The following SLCO1B3 variants were observed in gnomAD, a reference collection of about 807,000 sequenced individuals.
SLCO1B3 encodes solute carrier organic anion transporter family member 1B3.
SLCO1B3 carries 72 observed loss-of-function variants against 71.8 expected under a neutral mutation model. The observed-to-expected ratio is 1.00, with a 90% CI of 0.83 to 1.22. The LOEUF (loss-of-function observed/expected upper bound fraction) is 1.22, where lower values mean the gene tolerates loss of function less well. Among genes scored for constraint, SLCO1B3 ranks in the 50% most tolerant of loss-of-function variants. The probability of loss-of-function intolerance (pLI) is 0.00; values close to 1 mark genes in which losing one functional copy is unlikely to be tolerated. For missense variants in SLCO1B3, 911 were observed against 819.7 expected (o/e 1.11, Z -1.36); for synonymous variants, 298 against 278.4 (o/e 1.07, Z -0.70).
At chr12:20,848,191 C>T (rs1033568940) in intron 3 of SLCO1B3, among the ~76,000 whole-genome samples, 14 of 152,046 alleles carry the variant, frequency 9.2e-5, no homozygotes, top group Non-Finnish European at 1.9e-4. Flanking sequence ...GAACAGATAC[C>T]TTACTGATGG....
intron 3 of SLCO1B3, among the ~76,000 whole-genome samples, chr12:20,822,656 C>G (rs2121096780): frequency 6.6e-6 from 1 of 152,210 alleles, no homozygotes; most frequent in South Asian, 2.1e-4. Flanking sequence ...CTACATGTTG[C>G]AAGAGAAAAA....
chr12:20,897,073 A>T (rs1349795951), intron 13 of SLCO1B3, among the ~76,000 whole-genome samples: 3 of 152,138 alleles, frequency 2.0e-5, no homozygotes, highest in African/African-American at 7.2e-5. Context: ...CGTGGGTATT[A>T]TGTGAGTAAA....
At chr12:20,910,859 A>T (rs1015857745) in intron 15 of SLCO1B3, among the ~76,000 whole-genome samples, 2 of 151,958 alleles carry the variant, frequency 1.3e-5, no homozygotes, top group African/African-American at 4.8e-5. Flanking sequence ...GTTTTTGTCT[A>T]TTATTTGAGA....
chr12:20,875,891 GGAT>G (rs1865569996), intron 9 of SLCO1B3, among the ~76,000 whole-genome samples: 1 of 151,768 alleles, frequency 6.6e-6, no homozygotes, highest in Admixed American at 6.6e-5. Flanking sequence ...AGAACCTGGT[GGAT>G]GATATTAAGA....
intron 3 of SLCO1B3, among the ~76,000 whole-genome samples, chr12:20,837,078 G>A (rs1304394771): frequency 2.0e-5 from 3 of 152,112 alleles, no homozygotes; most frequent in Non-Finnish European, 2.9e-5. Flanking sequence ...ATTTAATTTA[G>A]GTTATTATAA....
chr12:20,898,447 C>T lies in SLCO1B3; in HGVS notation c.1694C>T (p.Pro565Leu), dbSNP rs775545812. Reference protein sequence around the residue: ...FILLTVKIVQPELKALAMGFQ... With the variant: ...FILLTVKIVQLELKALAMGFQ... The stretch of plus-strand genomic sequence containing the variant: ...TTATCATATTTCAGGATTGTTCAAC[C>T]TGAATTGAAAGCACTTGCAATGGGT... The change falls in exon 14 of 16, where the codon CCT becomes CTT. Residue 565 changes from proline to leucine, a missense_variant. Transcript: ENST00000381545. The T allele has an allele frequency of 6.3e-7, 1 of 1,596,660 alleles. No homozygotes were observed. The highest frequency in any genetic ancestry group is 8.6e-7 in the Non-Finnish European group (1 of 1,167,034).
intron 13 of SLCO1B3, among the ~76,000 whole-genome samples, chr12:20,890,500 G>A (rs1296828461): frequency 1.3e-5 from 2 of 151,214 alleles, no homozygotes; most frequent in Non-Finnish European, 2.9e-5. Flanking sequence ...AGGGTAAAAT[G>A]TTCTGTAAAA....
chr12:20,881,966 A>G (rs1231355760), intron 12 of SLCO1B3, among the ~76,000 whole-genome samples: 1 of 152,214 alleles, frequency 6.6e-6, no homozygotes, highest in African/African-American at 2.4e-5. Flanking sequence ...TTTGAAGAAT[A>G]AAGCCTCCTA....
intron 8 of SLCO1B3, among the ~76,000 whole-genome samples, chr12:20,869,709 T>G (rs151235962): frequency 4.6e-5 from 7 of 152,200 alleles, no homozygotes; most frequent in Admixed American, 1.3e-4. Flanking sequence ...TACGTATATA[T>G]CACATTTTCT....
intron 3 of SLCO1B3, among the ~76,000 whole-genome samples, chr12:20,848,773 C>A (rs2121200199): frequency 6.6e-6 from 1 of 151,982 alleles, no homozygotes; most frequent in East Asian, 1.9e-4. Context: ...ATATGAGATT[C>A]TGGAGAAGAA....
intron 8 of SLCO1B3, among the ~76,000 whole-genome samples, chr12:20,869,977 C>A (rs1865448223): frequency 6.6e-6 from 1 of 152,100 alleles, no homozygotes; most frequent in African/African-American, 2.4e-5. Context: ...CAAATATCTC[C>A]ACATCTATGC....
chr12:20,859,333 G>A (rs993766744), intron 5 of SLCO1B3, among the ~76,000 whole-genome samples: 1 of 152,098 alleles, frequency 6.6e-6, no homozygotes, highest in African/African-American at 2.4e-5. Flanking sequence ...TTTATTCCAG[G>A]CTTCCGTATT....
intron 10 of SLCO1B3, among the ~76,000 whole-genome samples, 165 bp from the exon 11 acceptor site, chr12:20,879,271 C>T (rs1029148778): frequency 7.5e-6 from 1 of 132,456 alleles, no homozygotes; most frequent in East Asian, 2.3e-4. Flanking sequence ...TGCAGTGGCG[C>T]GATCTCGGCT....
intron 3 of SLCO1B3, among the ~76,000 whole-genome samples, chr12:20,851,285 A>G (rs2121209354): frequency 6.6e-6 from 1 of 152,274 alleles, no homozygotes; most frequent in African/African-American, 2.4e-5. Context: ...TACATTTCAA[A>G]CAACAAACAC....
At chr12:20,904,741 C>T (rs1016864362) in intron 15 of SLCO1B3, among the ~76,000 whole-genome samples, 15 of 134,510 alleles carry the variant, frequency 1.1e-4, no homozygotes, top group Non-Finnish European at 2.2e-4. Flanking sequence ...CAGACTTCTG[C>T]CTGGACATCC....
intron 8 of SLCO1B3, 124 bp from the exon 9 acceptor site, chr12:20,875,111 T>C (rs1865549615): frequency 1.7e-6 from 2 of 1,206,508 alleles, no homozygotes; most frequent in East Asian, 2.3e-5. Flanking sequence ...TGTTTTAGAA[T>C]TGAAAGTAAA....
chr12:20,867,437 A>G (rs1287591586), intron 8 of SLCO1B3, among the ~76,000 whole-genome samples: 5 of 152,144 alleles, frequency 3.3e-5, no homozygotes, highest in Non-Finnish European at 5.9e-5. Flanking sequence ...ATGGCCAAAA[A>G]AAAAAAAGGT....
At chr12:20,830,428 C>G (rs956070125) in intron 3 of SLCO1B3, among the ~76,000 whole-genome samples, 1 of 152,148 alleles carries the variant, frequency 6.6e-6, no homozygotes, top group Non-Finnish European at 1.5e-5. Flanking sequence ...GTTCACAATT[C>G]TGAATCCACA....
intron 5 of SLCO1B3, 95 bp from the exon 6 acceptor site, chr12:20,860,922 G>A (rs1402064904): frequency 3.6e-5 from 44 of 1,211,550 alleles, no homozygotes; most frequent in South Asian, 2.6e-4. Context: ...AGAAGACAGC[G>A]GTTCAAATAA....
Sources: gnomAD v4.1 joint callset for allele counts (sites outside exome capture counted in the v4.1 genomes callset) on GRCh38, gnomAD v4.1.1 for gene constraint, MANE v1.5 for transcripts, NCBI Gene and HGNC (gene_info 2026-07-23, HGNC 2026-07-21) for gene names.